Variants in LPP observed in about 807,000 individuals in gnomAD.
The protein encoded by LPP is lipoma-preferred partner.
In LPP, 38 loss-of-function variants were observed where a neutral mutation model predicts 60.4. The ratio of observed to expected loss-of-function variants is 0.63; its 90% confidence interval spans 0.49 to 0.83. LPP has a LOEUF of 0.83. LPP is among the 40% of genes least tolerant of loss of function. The pLI, the probability that LPP is intolerant of heterozygous loss-of-function variation, is 0.00. For missense variants in LPP, 902 were observed against 783.6 expected, an observed-to-expected ratio of 1.15 and a Z score of -1.80; for synonymous variants, 328 against 290.8, an observed-to-expected ratio of 1.13 and a Z score of -1.30.
At chr3:188,871,406 C>T (rs1308955271) in intron 10 of LPP, among the ~76,000 whole-genome samples, 1 of 152,184 alleles carries the variant, frequency 6.6e-6, no homozygotes, top group Admixed American at 6.5e-5. Flanking sequence ...ACTTTTCTTT[C>T]ACAGCAATCA....
chr3:188,218,106 GAT>G (rs541599502), intron 1 of LPP, among the ~76,000 whole-genome samples: 12 of 152,340 alleles, frequency 7.9e-5, no homozygotes, highest in Admixed American at 5.2e-4. Flanking sequence ...CTCCATGTGA[GAT>G]GGGTCTGGAA....
chr3:188,409,059 T>C (rs1269788839), intron 4 of LPP, among the ~76,000 whole-genome samples: 1 of 152,228 alleles, frequency 6.6e-6, no homozygotes, highest in Non-Finnish European at 1.5e-5. Context: ...TGGTTGCATA[T>C]GGTCAAATGT....
chr3:188,307,998 CCT>C (rs2150222840), intron 2 of LPP, among the ~76,000 whole-genome samples: 1 of 152,146 alleles, frequency 6.6e-6, no homozygotes, highest in South Asian at 2.1e-4. Flanking sequence ...ATTCGTATTA[CCT>C]CTGTTTGGAC....
chr3:188,421,596 T>C (rs1046783900), intron 4 of LPP, among the ~76,000 whole-genome samples: 4 of 152,208 alleles, frequency 2.6e-5, no homozygotes, highest in African/African-American at 4.8e-5. Flanking sequence ...TACTGGGTTA[T>C]ATAATGATAG....
intron 9 of LPP, among the ~76,000 whole-genome samples, chr3:188,823,245 C>T (rs1031898043): frequency 1.3e-5 from 2 of 152,162 alleles, no homozygotes; most frequent in African/African-American, 4.8e-5. Flanking sequence ...TCTTACTTTG[C>T]TCAAGCTGGA....
chr3:188,592,276 AAAAT>A (rs1201887929), intron 6 of LPP, among the ~76,000 whole-genome samples: 2 of 152,052 alleles, frequency 1.3e-5, no homozygotes, highest in African/African-American at 4.8e-5. Flanking sequence ...TGTTAAATGA[AAAAT>A]AAGATACAAA....
chr3:188,520,540 A>C (rs1560511979), intron 5 of LPP, among the ~76,000 whole-genome samples: 1 of 152,230 alleles, frequency 6.6e-6, no homozygotes, highest in Non-Finnish European at 1.5e-5. Flanking sequence ...TATGAGAACT[A>C]CAATTCAAGA....
intron 9 of LPP, among the ~76,000 whole-genome samples, chr3:188,844,704 C>T (rs1358652801): frequency 6.6e-6 from 1 of 152,224 alleles, no homozygotes; most frequent in Non-Finnish European, 1.5e-5. Context: ...CTTTGCAGCA[C>T]AGTGGAGCGG....
intron 8 of LPP, among the ~76,000 whole-genome samples, chr3:188,722,921 G>C (rs1022386797): frequency 5.3e-5 from 8 of 152,122 alleles, no homozygotes; most frequent in Admixed American, 5.2e-4. Flanking sequence ...CCTCTAAATT[G>C]TTAACGTCAG....
chr3:188,823,963 G>C (rs1754689459), intron 9 of LPP, among the ~76,000 whole-genome samples: 1 of 151,920 alleles, frequency 6.6e-6, no homozygotes, highest in South Asian at 2.1e-4. Context: ...CACTACCAAA[G>C]TCATTAATTT....
At chr3:188,688,839 G>A (rs1861462195) in intron 7 of LPP, 1 of 524,962 alleles carries the variant, frequency 1.9e-6, no homozygotes, top group Non-Finnish European at 3.9e-6. Flanking sequence ...TTTCCCACTA[G>A]ATTGTGAGCT....
chr3:188,651,933 T>C (rs1423482205), intron 7 of LPP, among the ~76,000 whole-genome samples: 1 of 152,110 alleles, frequency 6.6e-6, no homozygotes, highest in Non-Finnish European at 1.5e-5. Context: ...TTGTAATCAT[T>C]ATCTCCATTT....
At chr3:188,423,478 G>A (rs1321427626) in intron 4 of LPP, among the ~76,000 whole-genome samples, 1 of 152,158 alleles carries the variant, frequency 6.6e-6, no homozygotes, top group East Asian at 1.9e-4. Flanking sequence ...GGATCGCTGG[G>A]TCAAATGGTA....
At chr3:188,287,139 G>T (rs1011005865) in intron 2 of LPP, among the ~76,000 whole-genome samples, 2 of 152,222 alleles carry the variant, frequency 1.3e-5, no homozygotes, top group Non-Finnish European at 2.9e-5. Context: ...GACCTCAAGT[G>T]ATCCCCCCAC....
chr3:188,546,799 G>A (rs530035049), intron 6 of LPP, among the ~76,000 whole-genome samples: 1 of 152,222 alleles, frequency 6.6e-6, no homozygotes, highest in Non-Finnish European at 1.5e-5. Flanking sequence ...ACAAATTGAG[G>A]AAATCCACAG....
At chr3:188,284,332 G>C (rs1395709444) in intron 2 of LPP, among the ~76,000 whole-genome samples, 1 of 152,124 alleles carries the variant, frequency 6.6e-6, no homozygotes, top group African/African-American at 2.4e-5. Flanking sequence ...AGACAAGTTA[G>C]TGTTTATTCA....
intron 5 of LPP, among the ~76,000 whole-genome samples, chr3:188,497,550 T>C (rs1259386861): frequency 6.6e-6 from 1 of 152,202 alleles, no homozygotes; most frequent in Non-Finnish European, 1.5e-5. Context: ...ATCCCCTGAA[T>C]AGAGATTTAG....
At position 188,443,477 on chromosome 3, in the gene LPP, G is replaced by A. The variant is rs965279603; in HGVS notation, c.193+37164G>A. Among the ~76,000 whole-genome samples, 5 of 152,146 alleles carry A rather than the reference G, an allele frequency of 3.3e-5. No homozygotes were observed. The East Asian group carries it at 7.7e-4, about 23-fold the overall frequency. Reference sequence around the variant, plus strand: ...CAATAGAGATGGAAAGTATTGGCCTGCATTTATTTCTCCTTCAAATGACAT... The same window carrying A: ...CAATAGAGATGGAAAGTATTGGCCTACATTTATTTCTCCTTCAAATGACAT... On this transcript the variant is annotated intron_variant, in intron 4 of 11. Coordinates refer to ENST00000617246, the MANE Select transcript of LPP (RefSeq NM_001375462.1).
At chr3:188,602,069 AAT>A (rs10534152) in intron 6 of LPP, among the ~76,000 whole-genome samples, 92,519 of 128,848 alleles carry the variant, frequency 0.72, 32,919 homozygotes, top group East Asian at 0.92. Flanking sequence ...CTCTATCTCA[AAT>A]ATATATATAT....
Sources: gnomAD v4.1 joint callset for allele counts (sites outside exome capture counted in the v4.1 genomes callset) on GRCh38, gnomAD v4.1.1 for gene constraint, MANE v1.5 for transcripts, NCBI Gene and HGNC (gene_info 2026-07-23, HGNC 2026-07-21) for gene names.